The following MCM3AP variants were observed in gnomAD, a reference collection of about 807,000 sequenced individuals.
The protein encoded by MCM3AP is minichromosome maintenance complex component 3 associated protein.
Under a neutral mutation model 184.1 loss-of-function variants are expected in MCM3AP, and 126 were observed. That is an observed-to-expected ratio of 0.68 (90% confidence interval 0.59 to 0.79). MCM3AP has a LOEUF of 0.79. MCM3AP is among the 30% of genes least tolerant of loss of function. The pLI is 0.00. For synonymous variants in MCM3AP, 1,002 were observed against 979.3 expected (o/e 1.02, Z -0.43); for missense variants, 2,496 against 2,479.2 (o/e 1.01, Z -0.14).
chr21:46,251,460 C>T, intron 20 of MCM3AP, 69 bp downstream of exon 20: 1 of 1,343,122 alleles, frequency 7.4e-7, no homozygotes, highest in Non-Finnish European at 1.0e-6. Flanking sequence ...TTGCATGGTT[C>T]CAGTGATATC....
chr21:46,270,039 G>A (rs903960355), intron 9 of MCM3AP, among the ~76,000 whole-genome samples: 2 of 152,138 alleles, frequency 1.3e-5, no homozygotes, highest in East Asian at 1.9e-4. Flanking sequence ...CAGAAACTTC[G>A]ATTTAAAACA....
intron 16 of MCM3AP, 140 bp downstream of exon 16, chr21:46,258,799 A>G: frequency 1.2e-6 from 1 of 827,954 alleles, no homozygotes; most frequent in African/African-American, 1.7e-5. Context: ...CAATTAGTCT[A>G]TTTTAGGTAT....
rs971336374 is a variant in MCM3AP, at chr21:46,285,568, ATAAT to A, written c.-286_-283del. 10 of 373,146 alleles carry A rather than the reference ATAAT, an allele frequency of 2.7e-5. No homozygotes were observed. The highest frequency in any genetic ancestry group is 2.5e-4 in the Admixed American group (6 of 23,544). The allele number at this position is 373,146 out of a possible 1,614,324, so 23.1% of individuals were successfully genotyped here. A position where few individuals can be genotyped will look rare whatever the true frequency, so the allele number is the denominator to read the frequency against. ...GAGGGTGGGGTAGAGAGTGGTACAA[ATAAT>A]TACTTTGTTACAGAGGTTTAAAGCG... On this transcript the variant is annotated 5_prime_UTR_variant, in exon 1 of 28. Coordinates refer to ENST00000291688, the MANE Select transcript of MCM3AP (RefSeq NM_003906.5).
chr21:46,285,139 A>C lies in MCM3AP; in HGVS notation c.148T>G (p.Ser50Ala), dbSNP rs1343642789. 6.2e-7 allele frequency: 1 copy of C among 1,614,186 alleles called. No individual in the cohort carries two copies. The highest frequency in any genetic ancestry group is 1.7e-5 in the Admixed American group (1 of 60,012). Residue 50 changes from serine to alanine, a missense_variant, in exon 1 of 28, where the codon TCG becomes GCG. Ser to Ala is a moderately conservative substitution (Grantham distance 99). Transcript: ENST00000291688. ...GQNSTLSGKSSGFSQVSSFPA... is the reference protein window; with the variant it reads ...GQNSTLSGKSAGFSQVSSFPA... The stretch of plus-strand genomic sequence containing the variant: ...AAGCTGGATACCTGTGAAAATCCCG[A>C]GCTCTTCCCAGATAAGGTACTGTTT...
Position 46,251,587 on chromosome 21 carries a change from A to G in MCM3AP, c.4232T>C (p.Leu1411Pro). The change falls in exon 20 of 28, where the codon CTT (leucine) becomes CCT (proline). Residue 1411 changes from leucine to proline, a missense_variant. Leu to Pro is a moderately conservative substitution (Grantham distance 98). This residue lies in a region of MCM3AP where 1,323 missense variants were observed against 1,273.4 expected (regional missense o/e 1.04). Transcript: ENST00000291688. ...CCCTTTGCTGCTAAGTGAGTTGAAA[A>G]GCGAAAGCGTCTGAATCCCACCAGC... is the stretch of plus-strand genomic sequence containing the variant. The part of the protein sequence containing the change: ...SDAGGIQTLS[L>P]FNSLSSKGDQ... 6.2e-7 allele frequency: 1 copy of G among 1,613,094 alleles called. No individual in the cohort carries two copies.
chr21:46,264,742 A>G (rs983766987), intron 12 of MCM3AP, among the ~76,000 whole-genome samples: 43 of 151,660 alleles, frequency 2.8e-4, no homozygotes, highest in East Asian at 3.9e-4. Context: ...GAGACCACAC[A>G]CACCAGAGGG....
intron 7 of MCM3AP, 24 bp downstream of exon 7, chr21:46,273,364 A>C: frequency 6.2e-7 from 1 of 1,604,178 alleles, no homozygotes; most frequent in Non-Finnish European, 8.5e-7. Context: ...ATTTTTTAGC[A>C]TCCAGGTTGG....
At chr21:46,264,339 G>C (rs1047818381) in intron 12 of MCM3AP, 122 bp from the exon 13 acceptor site, 2 of 624,440 alleles carry the variant, frequency 3.2e-6, no homozygotes, top group African/African-American at 3.6e-5. Flanking sequence ...CCTGACACGG[G>C]GTCGGCTAGG....
At position 46,251,669 on chromosome 21, in the gene MCM3AP, A is replaced by T; in HGVS notation, c.4150T>A (p.Trp1384Arg). Residue 1384 changes from tryptophan (W) to arginine (R), a missense_variant, in exon 20 of 28, where the codon TGG (tryptophan) becomes AGG (arginine). Physicochemically the swap from Trp to Arg is moderately radical, Grantham distance 101 (BLOSUM62 -3). This residue lies in a region of MCM3AP where 1,323 missense variants were observed against 1,273.4 expected (regional missense o/e 1.04). Transcript: ENST00000291688. Reference protein sequence around the residue: ...PESCGRILANWLKVKFMGDEG... With the variant: ...PESCGRILANRLKVKFMGDEG... ...TCTCCCATGAACTTGACTTTTAACC[A>T]ATTTGCTAGAATTCTACAGATTTAA... The T allele has an allele frequency of 6.3e-7, 1 of 1,581,470 alleles. No homozygotes were observed. Among genetic ancestry groups the T allele is most frequent in the Non-Finnish European group, 8.7e-7 (1 of 1,155,506 alleles).
At chr21:46,276,348 G>A (rs1426168796) in intron 5 of MCM3AP, among the ~76,000 whole-genome samples, 1 of 151,860 alleles carries the variant, frequency 6.6e-6, no homozygotes, top group African/African-American at 2.4e-5. Context: ...GATGTTTGAT[G>A]GCAGCTTTTA....
At chr21:46,275,474 C>T (rs2081244303) in intron 5 of MCM3AP, 149 bp from the exon 6 acceptor site, 1 of 745,646 alleles carries the variant, frequency 1.3e-6, no homozygotes, top group African/African-American at 1.8e-5. Context: ...AAACTCAGAG[C>T]CTCAGACAAA....
chr21:46,243,149 C>T (rs1431299986), intron 24 of MCM3AP: 2 of 595,022 alleles, frequency 3.4e-6, no homozygotes, highest in Non-Finnish European at 5.8e-6. Flanking sequence ...CTCCCAGGGT[C>T]CATGCATCAC....
rs2123835194 is a variant in MCM3AP, at chr21:46,246,943, C to T, written c.4291-57G>A. The T allele has an allele frequency of 7.0e-6, 11 of 1,573,658 alleles. No individual in the cohort carries two copies. In the South Asian group the frequency reaches 1.2e-4, roughly 16 times the overall value. ...GCACCATGGGACGCATCAGCAGTGA[C>T]TGATCTGCCCCAGAGCAAGTGCAGC... On this transcript the variant is annotated intron_variant, in intron 20 of 27. Transcript: ENST00000291688.
chr21:46,265,584 G>C (rs1408537798), intron 11 of MCM3AP, 61 bp from the exon 12 acceptor site: 1 of 1,380,858 alleles, frequency 7.2e-7, no homozygotes. Flanking sequence ...GCACCACGGG[G>C]ACCGAGGTCT....
intron 20 of MCM3AP, among the ~76,000 whole-genome samples, chr21:46,248,379 T>C (rs2080811292): frequency 6.6e-6 from 1 of 152,208 alleles, no homozygotes; most frequent in Non-Finnish European, 1.5e-5. Context: ...AGAAAGCAGA[T>C]GGCACAAGTC....
intron 6 of MCM3AP, among the ~76,000 whole-genome samples, chr21:46,274,790 C>T (rs1331958107): frequency 3.3e-5 from 5 of 151,836 alleles, no homozygotes; most frequent in African/African-American, 1.2e-4. Context: ...AAAACAGTAA[C>T]TAGGCGTGGT....
chr21:46,266,866 G>A (rs1011668791), intron 10 of MCM3AP, 116 bp downstream of exon 10: 4 of 1,113,954 alleles, frequency 3.6e-6, no homozygotes, highest in Admixed American at 2.3e-5. Flanking sequence ...CACCTGCATG[G>A]CAGAGGGAAT....
At chr21:46,259,380 C>T (rs921737174) in intron 15 of MCM3AP, 12 of 226,618 alleles carry the variant, frequency 5.3e-5, no homozygotes, top group Middle Eastern at 1.4e-3. Flanking sequence ...GACGTGAAGC[C>T]GGGAGGCAGA....
At chr21:46,283,521 T>C in intron 2 of MCM3AP, 94 bp downstream of exon 2, 2 of 748,420 alleles carry the variant, frequency 2.7e-6, no homozygotes, top group Non-Finnish European at 2.2e-6. Flanking sequence ...TATATTATAG[T>C]AAGCAAACAA....
Sources: gnomAD v4.1 joint callset for allele counts (sites outside exome capture counted in the v4.1 genomes callset) on GRCh38, gnomAD v4.1.1 for gene constraint, gnomAD v4.1.1 regional missense constraint, MANE v1.5 for transcripts, NCBI Gene and HGNC (gene_info 2026-07-23, HGNC 2026-07-21) for gene names.